DNAH8: variants seen among roughly 807,000 people sequenced by gnomAD.
The protein encoded by DNAH8 is dynein axonemal heavy chain 8, also known as axonemal beta dynein heavy chain 8.
A neutral mutation model predicts 562.1 loss-of-function variants in DNAH8; 382 were observed. The observed-to-expected ratio is 0.68, with a 90% CI of 0.63 to 0.74. The LOEUF (loss-of-function observed/expected upper bound fraction) is 0.74. Ranked by LOEUF, DNAH8 falls within the 30% of genes least tolerant of loss-of-function variation. DNAH8 has a pLI of 0.00. For missense variants in DNAH8, 5,203 were observed against 5,620.4 expected (o/e 0.93, Z 2.37); for synonymous variants, 1,881 against 1,919.4 (o/e 0.98, Z 0.52).
chr6:38,869,714 A>G (rs1240252189), intron 48 of DNAH8, among the ~76,000 whole-genome samples: 1 of 152,154 alleles, frequency 6.6e-6, no homozygotes, highest in Non-Finnish European at 1.5e-5. Flanking sequence ...TCCGTTCTTT[A>G]ATTTCATGGG....
intron 1 of DNAH8, among the ~76,000 whole-genome samples, chr6:38,722,147 A>G (rs1762802991): frequency 6.6e-6 from 1 of 152,214 alleles, no homozygotes; most frequent in Non-Finnish European, 1.5e-5. Context: ...TGCTCTCTAT[A>G]GTACCATTGC....
At chr6:38,744,063 G>A (rs1212377720) in intron 8 of DNAH8, 1 of 152,064 alleles carries the variant, frequency 6.6e-6, no homozygotes, top group Non-Finnish European at 1.5e-5. Context: ...TATCAGTTAA[G>A]TTATTATTAT....
intron 26 of DNAH8, among the ~76,000 whole-genome samples, chr6:38,821,372 T>G (rs1458055154): frequency 1.3e-5 from 2 of 152,200 alleles, no homozygotes; most frequent in African/African-American, 4.8e-5. Flanking sequence ...GATCTAATAT[T>G]ATTAAACTGG....
intron 48 of DNAH8, among the ~76,000 whole-genome samples, chr6:38,868,675 A>ATTTTT (rs11398061): frequency 1.4e-5 from 2 of 146,816 alleles, no homozygotes; most frequent in African/African-American, 2.5e-5. Flanking sequence ...TTACAGCCTG[A>ATTTTT]TTTTTTTTTT....
At chr6:38,992,157 G>A (rs143291485) in intron 88 of DNAH8, among the ~76,000 whole-genome samples, 60 of 152,264 alleles carry the variant, frequency 3.9e-4, no homozygotes, top group African/African-American at 1.3e-3. Flanking sequence ...AGTAGAGACA[G>A]GGTTTCTCCA....
intron 67 of DNAH8, among the ~76,000 whole-genome samples, chr6:38,914,838 G>A (rs138314775): frequency 1.3e-3 from 201 of 152,170 alleles, no homozygotes; most frequent in Non-Finnish European, 2.2e-3. Context: ...ATAAACATTA[G>A]CTTCTTTTAT....
chr6:38,768,554 C>G (rs1767245564), intron 11 of DNAH8, among the ~76,000 whole-genome samples: 1 of 149,378 alleles, frequency 6.7e-6, no homozygotes, highest in Non-Finnish European at 1.5e-5. Context: ...CATGAGCCAC[C>G]ACACCCGGCC....
chr6:38,881,742 G>A (rs1778510110), intron 53 of DNAH8, among the ~76,000 whole-genome samples: 1 of 151,940 alleles, frequency 6.6e-6, no homozygotes, highest in Non-Finnish European at 1.5e-5. Context: ...GTAGAGACAG[G>A]GTTTCTCCAC....
chr6:38,733,939 AGATGC>A (rs200338545), intron 4 of DNAH8, among the ~76,000 whole-genome samples: 4,175 of 150,720 alleles, frequency 0.028, 176 homozygotes, highest in African/African-American at 0.093. Context: ...GAAAAAAAAA[AGATGC>A]GATTATTGGC....
intron 82 of DNAH8, among the ~76,000 whole-genome samples, chr6:38,960,762 A>G (rs1448453895): frequency 1.3e-5 from 2 of 151,972 alleles, no homozygotes; most frequent in African/African-American, 4.8e-5. Context: ...GCTGCTACTA[A>G]ATACATATCC....
intron 17 of DNAH8, among the ~76,000 whole-genome samples, chr6:38,785,393 G>A (rs1277300425): frequency 6.6e-6 from 1 of 152,046 alleles, no homozygotes; most frequent in Non-Finnish European, 1.5e-5. Flanking sequence ...TGTCATTATT[G>A]GTCTGTTTTA....
chr6:38,717,448 G>A (rs530429923), intron 1 of DNAH8, among the ~76,000 whole-genome samples: 7 of 151,948 alleles, frequency 4.6e-5, no homozygotes, highest in African/African-American at 9.7e-5. Flanking sequence ...CTCAGCCCTC[G>A]AAGTAGCTGG....
At chr6:38,833,090 T>C (rs955679451) in intron 31 of DNAH8, among the ~76,000 whole-genome samples, 1 of 152,208 alleles carries the variant, frequency 6.6e-6, no homozygotes, top group Non-Finnish European at 1.5e-5. Context: ...GTCAGTCCCG[T>C]ATGCTACTCA....
intron 60 of DNAH8, among the ~76,000 whole-genome samples, chr6:38,896,975 C>T (rs774709707): frequency 9.2e-5 from 14 of 151,928 alleles, no homozygotes; most frequent in Admixed American, 2.0e-4. Context: ...TTAGTAGAGA[C>T]GAGGTTTCAC....
intron 61 of DNAH8, among the ~76,000 whole-genome samples, chr6:38,899,150 G>A (rs1353605197): frequency 6.6e-6 from 1 of 152,108 alleles, no homozygotes; most frequent in Non-Finnish European, 1.5e-5. Flanking sequence ...TTTTAGCAAT[G>A]TCTTCAATTG....
At chr6:38,734,058 CA>C (rs1763879101) in intron 4 of DNAH8, among the ~76,000 whole-genome samples, 1 of 151,416 alleles carries the variant, frequency 6.6e-6, no homozygotes, top group Admixed American at 6.6e-5. Flanking sequence ...CTGAGGTGGG[CA>C]GATCACCTGA....
chr6:38,770,304 C>A, intron 11 of DNAH8, 109 bp from the exon 12 acceptor site: 2 of 584,376 alleles, frequency 3.4e-6, no homozygotes, highest in Non-Finnish European at 5.6e-6. Flanking sequence ...AAAAACTATA[C>A]AGATTTTCAC....
intron 63 of DNAH8, among the ~76,000 whole-genome samples, chr6:38,906,941 C>T (rs919596129): frequency 6.6e-6 from 1 of 152,148 alleles, no homozygotes; most frequent in Non-Finnish European, 1.5e-5. Flanking sequence ...AGGACATGCT[C>T]ATTATTGGAG....
At chr6:38,967,892 G>A (rs1763076840) in intron 82 of DNAH8, among the ~76,000 whole-genome samples, 1 of 152,128 alleles carries the variant, frequency 6.6e-6, no homozygotes, top group Non-Finnish European at 1.5e-5. Flanking sequence ...CAAAGCTACA[G>A]TAATTAAAAC....
Sources: allele counts gnomAD v4.1 joint callset (sites outside exome capture counted in the v4.1 genomes callset), GRCh38; gene constraint gnomAD v4.1.1; transcripts MANE v1.5; gene names NCBI Gene and HGNC (gene_info 2026-07-23, HGNC 2026-07-21).